CHCHD3: variants seen among roughly 807,000 people sequenced by gnomAD.
CHCHD3 encodes coiled-coil-helix-coiled-coil-helix domain containing 3.
Under a neutral mutation model 38.2 loss-of-function variants are expected in CHCHD3, and 20 were observed. The ratio of observed to expected loss-of-function variants is 0.52; its 90% CI spans 0.37 to 0.76. The LOEUF (loss-of-function observed/expected upper bound fraction) is 0.76, where lower values mean the gene tolerates loss of function less well. CHCHD3 is among the 30% of genes least tolerant of loss of function. The pLI is 0.00. For missense variants in CHCHD3, 245 were observed against 279.2 expected, an observed-to-expected ratio of 0.88 and a Z score of 0.87; for synonymous variants, 82 against 100.0, an observed-to-expected ratio of 0.82 and a Z score of 1.07.
chr7:132,827,583 A>C (rs975407525), intron 6 of CHCHD3, among the ~76,000 whole-genome samples: 1 of 152,300 alleles, frequency 6.6e-6, no homozygotes, highest in Non-Finnish European at 1.5e-5. Flanking sequence ...ACAATGCACC[A>C]ATCTTCAGTG....
intron 4 of CHCHD3, among the ~76,000 whole-genome samples, chr7:132,968,784 A>C (rs1811539443): frequency 6.6e-6 from 1 of 152,218 alleles, no homozygotes; most frequent in Non-Finnish European, 1.5e-5. Flanking sequence ...AGAACTTTTG[A>C]GTATAAACCA....
At chr7:132,847,206 A>T (rs1470530710) in intron 5 of CHCHD3, 1 of 152,174 alleles carries the variant, frequency 6.6e-6, no homozygotes, top group Non-Finnish European at 1.5e-5. Context: ...CAATTATATC[A>T]TGCAAAGGAG....
At chr7:132,834,739 T>C (rs1338733346) in intron 6 of CHCHD3, among the ~76,000 whole-genome samples, 1 of 152,146 alleles carries the variant, frequency 6.6e-6, no homozygotes, top group African/African-American at 2.4e-5. Context: ...TAGGACCTGC[T>C]GCCCTCCTGG....
At chr7:132,865,447 A>T in intron 5 of CHCHD3, among the ~76,000 whole-genome samples, 1 of 152,170 alleles carries the variant, frequency 6.6e-6, no homozygotes, top group Non-Finnish European at 1.5e-5. Flanking sequence ...TGACAGGTGC[A>T]AATAACAGCA....
intron 1 of CHCHD3, among the ~76,000 whole-genome samples, chr7:133,074,054 T>C (rs946743599): frequency 6.6e-6 from 1 of 152,190 alleles, no homozygotes; most frequent in Non-Finnish European, 1.5e-5. Flanking sequence ...AAAGCTACCA[T>C]TCCTTGTGCC....
chr7:132,883,927 A>G (rs755923692), intron 5 of CHCHD3, among the ~76,000 whole-genome samples: 6 of 152,176 alleles, frequency 3.9e-5, no homozygotes, highest in Non-Finnish European at 5.9e-5. Context: ...AAAACCTTCT[A>G]GTTATAAAAG....
At chr7:132,901,477 C>T (rs1239950230) in intron 4 of CHCHD3, among the ~76,000 whole-genome samples, 1 of 152,182 alleles carries the variant, frequency 6.6e-6, no homozygotes, top group African/African-American at 2.4e-5. Flanking sequence ...AGGCAAAGGC[C>T]ACAGGAGGGA....
At chr7:132,807,622 T>TATATAC (rs1412690903) in intron 6 of CHCHD3, among the ~76,000 whole-genome samples, 2 of 122,878 alleles carry the variant, frequency 1.6e-5, no homozygotes, top group African/African-American at 6.8e-5. Flanking sequence ...TATATATATA[T>TATATAC]ATATATATAT....
chr7:132,966,363 C>T (rs1404614047), intron 4 of CHCHD3, among the ~76,000 whole-genome samples: 1 of 152,092 alleles, frequency 6.6e-6, no homozygotes, highest in Non-Finnish European at 1.5e-5. Context: ...TGCCACCTGC[C>T]CCCATCGCCA....
At chr7:132,987,279 T>C (rs964542946) in intron 3 of CHCHD3, among the ~76,000 whole-genome samples, 9 of 152,152 alleles carry the variant, frequency 5.9e-5, no homozygotes, top group Admixed American at 2.6e-4. Context: ...TCTGAAAGGA[T>C]TACCTCATGA....
chr7:132,816,963 T>G (rs949880684), intron 6 of CHCHD3, among the ~76,000 whole-genome samples: 1 of 151,982 alleles, frequency 6.6e-6, no homozygotes. Flanking sequence ...CCCTGGAATA[T>G]CAAAATGGAA....
chr7:132,927,671 T>A lies in CHCHD3; in HGVS notation c.370-41926A>T, dbSNP rs537415107. On this transcript the variant is annotated intron_variant, in intron 4 of 7. Transcript: ENST00000262570. The stretch of plus-strand genomic sequence containing the variant: ...TAAACTGTTTAAAATTGACAATCTT[T>A]AATTTAAGCCTATTCTTGGAACTAG... 7.9e-5 allele frequency among the ~76,000 whole-genome samples: 12 copies of A among 152,348 alleles called. No individual in the cohort carries two copies. The South Asian group carries it at 2.5e-3, about 32-fold the overall frequency.
intron 5 of CHCHD3, among the ~76,000 whole-genome samples, chr7:132,846,608 G>A (rs1808082391): frequency 6.6e-6 from 1 of 152,164 alleles, no homozygotes. Flanking sequence ...AGCATACCTA[G>A]GAGTAGGTAT....
intron 4 of CHCHD3, among the ~76,000 whole-genome samples, chr7:132,909,248 C>T (rs964946681): frequency 7.2e-5 from 11 of 152,092 alleles, no homozygotes; most frequent in Non-Finnish European, 1.5e-4. Flanking sequence ...TGTCCCCGCA[C>T]TTTGGGAGGC....
At chr7:133,037,327 A>G (rs145590272) in intron 2 of CHCHD3, among the ~76,000 whole-genome samples, 108 of 152,396 alleles carry the variant, frequency 7.1e-4, no homozygotes, top group African/African-American at 2.4e-3. Context: ...ATGAAAAACT[A>G]GAAGCAAATT....
intron 3 of CHCHD3, among the ~76,000 whole-genome samples, chr7:133,009,456 C>T (rs1051928263): frequency 1.3e-5 from 2 of 150,656 alleles, no homozygotes; most frequent in Non-Finnish European, 2.9e-5. Flanking sequence ...TTCTCTGGTG[C>T]CTGGAGAGAG....
intron 2 of CHCHD3, among the ~76,000 whole-genome samples, chr7:133,058,687 C>T (rs1242380795): frequency 6.6e-6 from 1 of 152,160 alleles, no homozygotes; most frequent in Non-Finnish European, 1.5e-5. Context: ...TGTTTAAAGT[C>T]ATGAGATGAC....
chr7:132,842,365 G>C (rs1263674570), intron 5 of CHCHD3, among the ~76,000 whole-genome samples: 2 of 152,022 alleles, frequency 1.3e-5, no homozygotes, highest in East Asian at 3.9e-4. Context: ...ACAGAAAATA[G>C]GCAAAAGATT....
chr7:133,060,995 A>C (rs1008598045), intron 2 of CHCHD3, among the ~76,000 whole-genome samples: 2 of 152,166 alleles, frequency 1.3e-5, no homozygotes, highest in African/African-American at 4.8e-5. Context: ...CACAACAGAC[A>C]AAGGTCTGTC....
Sources: gnomAD v4.1 joint callset for allele counts (sites outside exome capture counted in the v4.1 genomes callset) on GRCh38, gnomAD v4.1.1 for gene constraint, MANE v1.5 for transcripts, NCBI Gene and HGNC (gene_info 2026-07-23, HGNC 2026-07-21) for gene names.